The following KAT2B variants were observed in gnomAD, a reference collection of about 807,000 sequenced individuals.
The protein encoded by KAT2B is histone acetyltransferase KAT2B.
In KAT2B, 36 loss-of-function variants were observed where a neutral mutation model predicts 105.9. The ratio of observed to expected loss-of-function variants is 0.34; its 90% confidence interval spans 0.26 to 0.45. The LOEUF (loss-of-function observed/expected upper bound fraction) is 0.45, where lower values mean the gene tolerates loss of function less well. Among genes scored for constraint, KAT2B ranks in the 20% least tolerant of loss-of-function variants. KAT2B has a pLI of 1.00. For synonymous variants in KAT2B, 397 were observed against 377.9 expected (o/e 1.05, Z -0.59); for missense variants, 820 against 1,021.6 (o/e 0.80, Z 2.69).
At chr3:20,104,571 C>T (rs530963813) in intron 5 of KAT2B, among the ~76,000 whole-genome samples, 2 of 152,210 alleles carry the variant, frequency 1.3e-5, no homozygotes, top group Non-Finnish European at 2.9e-5. Context: ...CAGGCACCAG[C>T]AGGCTTTATC....
intron 5 of KAT2B, among the ~76,000 whole-genome samples, chr3:20,108,467 A>T (rs1699061324): frequency 6.6e-6 from 1 of 152,234 alleles, no homozygotes; most frequent in African/African-American, 2.4e-5. Context: ...GATCTGCATA[A>T]CAACATTTTA....
Position 20,148,290 on chromosome 3 carries a change from T to C in KAT2B, c.2204T>C (p.Ile735Thr), listed in dbSNP as rs540731541. The change falls in exon 16 of 18, where the codon ATC becomes ACC. Residue 735 changes from isoleucine (I) to threonine (T), a missense_variant. Coordinates refer to ENST00000263754, the MANE Select transcript of KAT2B (RefSeq NM_003884.5). ...PDQLYSTLKS[I>T]LQQVKSHQSA... is the part of the protein sequence containing the mutation. ...CAGCTTTACAGCACGCTCAAGAGCA[T>C]CCTCCAGCAGGTGAAGGTGGGTGTC... 5 of 1,614,064 alleles carry C rather than the reference T, an allele frequency of 3.1e-6. No individual in the cohort carries two copies. The highest frequency in any genetic ancestry group is 1.7e-5 in the Admixed American group (1 of 60,014).
At position 20,122,776 on chromosome 3, in the gene KAT2B, C is replaced by G. The variant is rs144875299; in HGVS notation, c.1385C>G (p.Thr462Arg). Residue 462 changes from threonine (T) to arginine (R), a missense_variant, in exon 9 of 18, where the codon ACG becomes AGG. This residue lies in a region of KAT2B where 225 missense variants were observed against 268.1 expected (regional missense o/e 0.84). Coordinates refer to ENST00000263754, the MANE Select transcript of KAT2B (RefSeq NM_003884.5). ...ELINEVMSTI[T>R]DPAAMLGPET... ...ATCAACGAGGTTATGTCTACCATCA[C>G]GGACCCTGCAGCAATGCTTGGACCA... The G allele has an allele frequency of 6.2e-7, 1 of 1,613,878 alleles. No individual in the cohort carries two copies. Among genetic ancestry groups the G allele is most frequent in the Middle Eastern group, 1.7e-4 (1 of 6,040 alleles).
intron 5 of KAT2B, among the ~76,000 whole-genome samples, chr3:20,105,935 C>T (rs1268056722): frequency 1.3e-5 from 2 of 152,030 alleles, no homozygotes; most frequent in African/African-American, 4.8e-5. Context: ...GTATACTGAG[C>T]ATTCATTATT....
intron 2 of KAT2B, among the ~76,000 whole-genome samples, chr3:20,086,869 C>T (rs1431180730): frequency 6.6e-6 from 1 of 151,630 alleles, no homozygotes; most frequent in African/African-American, 2.4e-5. Flanking sequence ...ACAACCTCCA[C>T]CTCCTGGATT....
At chr3:20,137,884 G>A (rs1699629990) in intron 12 of KAT2B, among the ~76,000 whole-genome samples, 1 of 152,206 alleles carries the variant, frequency 6.6e-6, no homozygotes, top group Non-Finnish European at 1.5e-5. Context: ...GCTTATGCCT[G>A]TAATCCTAGT....
intron 2 of KAT2B, among the ~76,000 whole-genome samples, chr3:20,079,751 C>T (rs750038094): frequency 1.3e-5 from 2 of 152,158 alleles, no homozygotes; most frequent in East Asian, 1.9e-4. Context: ...TGCCAAAGGA[C>T]GTAAACATGG....
intron 14 of KAT2B, among the ~76,000 whole-genome samples, chr3:20,146,990 T>G (rs1390875299): frequency 6.6e-6 from 1 of 152,232 alleles, no homozygotes; most frequent in Non-Finnish European, 1.5e-5. Context: ...TTCCCTATTT[T>G]ACAGTAGTTT....
rs924494359 is a variant in KAT2B at position 20,152,635 on chromosome 3, G to A, written c.*110G>A. On this transcript the variant is annotated 3_prime_UTR_variant, in exon 18 of 18. Transcript: ENST00000263754. The stretch of plus-strand genomic sequence containing the variant: ...TGATGTATTGAAGAGACTTGTAAAT[G>A]TAATAATTAGCACTTTTGAAAAAAC... 7.7e-6 allele frequency: 6 copies of A among 776,760 alleles called. No homozygotes were observed. The African/African-American group carries it at 8.7e-5, about 11-fold the overall frequency. 48.1% of individuals were successfully genotyped at this position (776,760 alleles called of 1,614,324 possible).
intron 13 of KAT2B, among the ~76,000 whole-genome samples, chr3:20,144,564 C>T (rs1450816555): frequency 2.0e-5 from 3 of 150,982 alleles, no homozygotes; most frequent in African/African-American, 7.3e-5. Context: ...GCTGGGATTA[C>T]AGGCGTGAGC....
At chr3:20,122,849 C>A in intron 9 of KAT2B, 45 bp downstream of exon 9, 1 of 1,561,998 alleles carries the variant, frequency 6.4e-7, no homozygotes, top group South Asian at 1.2e-5. Context: ...ACCTCTTCTG[C>A]TCTCCTGGCC....
chr3:20,053,848 G>T (rs1697958051), intron 1 of KAT2B, among the ~76,000 whole-genome samples: 1 of 151,768 alleles, frequency 6.6e-6, no homozygotes, highest in South Asian at 2.1e-4. Context: ...GCCCAGGCTG[G>T]AGTGCAGTGG....
intron 1 of KAT2B, among the ~76,000 whole-genome samples, chr3:20,047,805 G>A (rs573524646): frequency 7.3e-5 from 11 of 151,570 alleles, no homozygotes; most frequent in Non-Finnish European, 1.0e-4. Flanking sequence ...TAGTAGAGAC[G>A]GGGTTTCACC....
chr3:20,053,878 G>A (rs7628266), intron 1 of KAT2B, among the ~76,000 whole-genome samples: 88,019 of 151,580 alleles, frequency 0.58, 26,048 homozygotes, highest in South Asian at 0.66. Flanking sequence ...AGCTCACCGC[G>A]ACTTCCATCT....
Position 20,040,545 on chromosome 3 carries a change from GGGCGCTGCCCCCGCAGCCTGC to G in KAT2B, c.75_95del (p.Gln28_Pro34del). The G allele has an allele frequency of 9.8e-7, 1 of 1,016,422 alleles. No individual in the cohort carries two copies. The highest frequency in any genetic ancestry group is 1.2e-6 in the Non-Finnish European group (1 of 846,556). The allele number at this position is 1,016,422 out of a possible 1,614,324, so 63.0% of individuals were successfully genotyped here. A position where few individuals can be genotyped will look rare whatever the true frequency, so the allele number is the denominator to read the frequency against. On this transcript the variant is annotated inframe_deletion, in exon 1 of 18. Transcript: ENST00000263754. Reference sequence around the variant, plus strand: ...GGAGCCGGGGCAGGGGCCGGGCCCGGGGCGCTGCCCCCGCAGCCTGCGGCGCTTCCGCCCGCGCCCCCGCAG... The same window carrying G: ...GGAGCCGGGGCAGGGGCCGGGCCCGGGGCGCTTCCGCCCGCGCCCCCGCAG...
chr3:20,092,494 T>C (rs1438171362), intron 2 of KAT2B, among the ~76,000 whole-genome samples: 1 of 151,858 alleles, frequency 6.6e-6, no homozygotes, highest in Non-Finnish European at 1.5e-5. Flanking sequence ...CCTCCTAAAG[T>C]GCTGGGATTA....
At chr3:20,055,448 A>T (rs1697988663) in intron 1 of KAT2B, among the ~76,000 whole-genome samples, 1 of 152,188 alleles carries the variant, frequency 6.6e-6, no homozygotes, top group South Asian at 2.1e-4. Flanking sequence ...ACAGAGAATT[A>T]AATGAGAATG....
chr3:20,064,023 C>T (rs186652414), intron 1 of KAT2B, among the ~76,000 whole-genome samples: 33 of 152,206 alleles, frequency 2.2e-4, no homozygotes, highest in African/African-American at 7.9e-4. Context: ...AATCATTTGA[C>T]CATTATCTGT....
chr3:20,071,945 A>G (rs2125180724), intron 1 of KAT2B, among the ~76,000 whole-genome samples: 1 of 152,256 alleles, frequency 6.6e-6, no homozygotes, highest in East Asian at 1.9e-4. Flanking sequence ...GCAAGGCTCA[A>G]CCTTAGCCTA....
Sources: allele counts gnomAD v4.1 joint callset (sites outside exome capture counted in the v4.1 genomes callset), GRCh38; gene constraint gnomAD v4.1.1; regional missense constraint gnomAD v4.1.1; transcripts MANE v1.5; gene names NCBI Gene and HGNC (gene_info 2026-07-23, HGNC 2026-07-21).